The following DMD variants were observed in gnomAD, a reference collection of about 807,000 sequenced individuals.
DMD encodes the protein dystrophin.
DMD carries 63 observed loss-of-function variants against 330.1 expected under a neutral mutation model. The observed-to-expected ratio is 0.19, with a 90% CI of 0.16 to 0.24. The LOEUF is 0.24. DMD is among the 10% of genes least tolerant of loss of function. The pLI, the probability that DMD is intolerant of heterozygous loss-of-function variation, is 1.00. For missense variants in DMD, 3,344 were observed against 2,684.1 expected, an observed-to-expected ratio of 1.25 and a Z score of -5.43; for synonymous variants, 1,223 against 959.8, an observed-to-expected ratio of 1.27 and a Z score of -5.07.
chrX:31,507,452 T>C lies in DMD; in HGVS notation c.8219A>G (p.Asp2740Gly), dbSNP rs771051897. Residue 2740 changes from aspartate to glycine, a missense_variant and splice_region_variant, in exon 56 of 79, where the codon GAC (aspartate) becomes GGC (glycine). Asp to Gly is a moderately conservative substitution (Grantham distance 94, BLOSUM62 -1). Transcript: ENST00000357033. ...GTGAGCTTCAATTTCACCTTGGAGGTCCTACAGGACAGCAGGAAGAAGAAT... is the reference window on the plus strand; with the variant it reads ...GTGAGCTTCAATTTCACCTTGGAGGCCCTACAGGACAGCAGGAAGAAGAAT... ...GVKELMKQWQ[D>G]LQGEIEAHTD... 7.5e-5 allele frequency: 90 copies of C among 1,199,454 alleles called. No homozygotes were observed. The highest frequency in any genetic ancestry group is 9.7e-5 in the Non-Finnish European group (86 of 888,524).
intron 1 of DMD, among the ~76,000 whole-genome samples, chrX:33,232,657 G>A (rs1036962085): frequency 9.0e-6 from 1 of 111,197 alleles, no homozygotes. Flanking sequence ...TTGGGAGGCC[G>A]AGAGGGGCAG....
chrX:33,326,640 C>G (rs1352820987), intron 1 of DMD, among the ~76,000 whole-genome samples: 2 of 111,833 alleles, frequency 1.8e-5, no homozygotes, highest in South Asian at 3.7e-4. Context: ...AGTACCTTCT[C>G]TTCATGCAAG....
intron 60 of DMD, among the ~76,000 whole-genome samples, chrX:31,436,466 C>T (rs147193916): frequency 0.042 from 4,406 of 105,535 alleles, 219 homozygotes; most frequent in African/African-American, 0.14. Flanking sequence ...ATCCTGATGC[C>T]TTCAAAAAAA....
intron 7 of DMD, among the ~76,000 whole-genome samples, chrX:32,703,650 G>A (rs944450772): frequency 9.0e-6 from 1 of 111,330 alleles, no homozygotes; most frequent in African/African-American, 3.3e-5. Flanking sequence ...CATTTATGAT[G>A]ACTGCACTAA....
intron 1 of DMD, among the ~76,000 whole-genome samples, chrX:33,315,961 A>T (rs906549993): frequency 1.8e-5 from 2 of 111,165 alleles, no homozygotes; most frequent in Non-Finnish European, 3.8e-5. Context: ...TTGAGTCAAG[A>T]TTCAGTTTTC....
chrX:32,895,844 CGTGT>C (rs5902042), intron 2 of DMD, among the ~76,000 whole-genome samples: 2,361 of 99,586 alleles, frequency 0.024, 38 homozygotes, highest in East Asian at 0.1. Context: ...TTGGAATGAA[CGTGT>C]GTGTGTGTGT....
intron 26 of DMD, 31 bp downstream of exon 26, chrX:32,454,626 CTTTGT>C: frequency 9.3e-7 from 1 of 1,074,334 alleles, no homozygotes; most frequent in Non-Finnish European, 1.3e-6. Flanking sequence ...CATTTATTTC[CTTTGT>C]TTTACTTAGT....
At chrX:31,514,473 C>A (rs764496851) in intron 55 of DMD, among the ~76,000 whole-genome samples, 1 of 111,823 alleles carries the variant, frequency 8.9e-6, no homozygotes, top group African/African-American at 3.2e-5. Context: ...CCAGAGAAAA[C>A]TCATGGCAAA....
intron 59 of DMD, among the ~76,000 whole-genome samples, chrX:31,449,564 T>A (rs954606077): frequency 9.3e-6 from 1 of 107,941 alleles, no homozygotes; most frequent in African/African-American, 3.4e-5. Context: ...GAATCTAAAC[T>A]GGATTAGGAG....
At chrX:31,289,339 T>C (rs2053511462) in intron 62 of DMD, among the ~76,000 whole-genome samples, 1 of 109,142 alleles carries the variant, frequency 9.2e-6, no homozygotes. Context: ...ATTATAATTA[T>C]TTATTGTAAT....
chrX:32,200,487 G>A (rs571721413), intron 44 of DMD, among the ~76,000 whole-genome samples: 21 of 110,743 alleles, frequency 1.9e-4, no homozygotes, highest in East Asian at 5.8e-4. Context: ...TATGTAACAC[G>A]TTACATATGT....
chrX:32,755,280 A>C (rs2071356014), intron 7 of DMD, among the ~76,000 whole-genome samples: 1 of 107,778 alleles, frequency 9.3e-6, no homozygotes, highest in Admixed American at 1.0e-4. Context: ...AATTTCAAAG[A>C]AATTCTCTCC....
At chrX:31,994,133 G>A (rs1468238579) in intron 44 of DMD, among the ~76,000 whole-genome samples, 1 of 111,666 alleles carries the variant, frequency 9.0e-6, no homozygotes, top group Non-Finnish European at 1.9e-5. Flanking sequence ...ACTGTTAGAA[G>A]CGTGGGAAAC....
At chrX:31,530,535 T>A (rs1225681378) in intron 55 of DMD, among the ~76,000 whole-genome samples, 1 of 109,964 alleles carries the variant, frequency 9.1e-6, no homozygotes, top group African/African-American at 3.3e-5. Flanking sequence ...CATTAATACA[T>A]TGATTAGTTA....
intron 1 of DMD, among the ~76,000 whole-genome samples, chrX:33,189,512 A>G (rs1436297256): frequency 9.0e-6 from 1 of 111,510 alleles, no homozygotes; most frequent in Non-Finnish European, 1.9e-5. Flanking sequence ...GAGAGGGGTT[A>G]GGAAATAATT....
At chrX:32,951,192 C>G (rs2091226227) in intron 2 of DMD, among the ~76,000 whole-genome samples, 1 of 111,485 alleles carries the variant, frequency 9.0e-6, no homozygotes, top group African/African-American at 3.3e-5. Context: ...ACCATTTTTT[C>G]TGATGGAATA....
intron 1 of DMD, among the ~76,000 whole-genome samples, chrX:33,056,273 T>C (rs1212421129): frequency 9.0e-6 from 1 of 110,682 alleles, no homozygotes; most frequent in Non-Finnish European, 1.9e-5. Context: ...TCTTCCTCTT[T>C]TCTCACATGG....
intron 57 of DMD, among the ~76,000 whole-genome samples, chrX:31,481,506 T>G (rs2068286961): frequency 8.9e-6 from 1 of 111,789 alleles, no homozygotes. Context: ...ACTGAATAGA[T>G]GCTGGAGAGA....
chrX:32,080,449 G>C (rs1402966053), intron 44 of DMD, among the ~76,000 whole-genome samples: 1 of 112,401 alleles, frequency 8.9e-6, no homozygotes, highest in Non-Finnish European at 1.9e-5. Flanking sequence ...TTTAAATAAA[G>C]TTATGTAAAT....
Sources: gnomAD v4.1 joint callset for allele counts (sites outside exome capture counted in the v4.1 genomes callset) on GRCh38, gnomAD v4.1.1 for gene constraint, MANE v1.5 for transcripts, NCBI Gene and HGNC (gene_info 2026-07-23, HGNC 2026-07-21) for gene names.